Variants in SRFBP1 observed in about 807,000 individuals in gnomAD.
SRFBP1 encodes the protein serum response factor binding protein 1.
In SRFBP1, 47 loss-of-function variants were observed where a neutral mutation model predicts 45.5. That is an observed-to-expected ratio of 1.03 (90% CI 0.82 to 1.32). SRFBP1 has a LOEUF of 1.32. SRFBP1 is among the 40% of genes most tolerant of loss of function. The pLI is 0.00. For missense variants in SRFBP1, 621 were observed against 484.6 expected (o/e 1.28, Z -2.64); for synonymous variants, 203 against 166.3 (o/e 1.22, Z -1.70).
At chr5:122,038,406 G>A (rs1228787276) in intron 2 of SRFBP1, among the ~76,000 whole-genome samples, 1 of 152,214 alleles carries the variant, frequency 6.6e-6, no homozygotes, top group Non-Finnish European at 1.5e-5. Flanking sequence ...TTTTTTAGAA[G>A]GTGGGCCACA....
At position 122,051,472 on chromosome 5, in the gene SRFBP1, T is replaced by C. The variant is rs537252961; in HGVS notation, n.312-23843T>C. Among the ~76,000 whole-genome samples the C allele has an allele frequency of 4.2e-4, 64 of 152,286 alleles. 2 individuals carry two copies. The South Asian group carries it at 0.013, about 31-fold the overall frequency. On this transcript the variant is annotated intron_variant and non_coding_transcript_variant, in intron 2 of 2. Transcript: ENST00000504881. ...CCTATATATTTAGGATAGTTAGGTC[T>C]TCTTGTTGAATTAAACGCTTTATCA...
intron 2 of SRFBP1, chr5:122,070,453 T>A (rs1412678462): frequency 9.0e-7 from 1 of 1,107,538 alleles, no homozygotes; most frequent in Non-Finnish European, 1.4e-6. Flanking sequence ...GGCCTATTGA[T>A]CTGCAATATC....
chr5:121,967,363 G>A (rs1021024828), intron 1 of SRFBP1, among the ~76,000 whole-genome samples: 5 of 152,088 alleles, frequency 3.3e-5, no homozygotes, highest in African/African-American at 1.2e-4. Context: ...TTTGTGTTTA[G>A]TTATTAAACT....
chr5:122,009,649 C>T (rs1473533071), intron 4 of SRFBP1, among the ~76,000 whole-genome samples: 2 of 152,154 alleles, frequency 1.3e-5, no homozygotes, highest in South Asian at 2.1e-4. Context: ...GTTAAAATGA[C>T]TGTCCTGTGT....
At chr5:121,981,477 A>C (rs1017622248) in intron 3 of SRFBP1, among the ~76,000 whole-genome samples, 1 of 151,780 alleles carries the variant, frequency 6.6e-6, no homozygotes, top group Admixed American at 6.6e-5. Flanking sequence ...TCTTCCCTGA[A>C]TGATATACAA....
rs776971179 is a variant in SRFBP1 at position 121,994,640 on chromosome 5, T to C, written c.240T>C (p.Asp80=). 1.9e-6 allele frequency: 3 copies of C among 1,596,946 alleles called. No homozygotes were observed. Among genetic ancestry groups the C allele is most frequent in the Middle Eastern group, 1.7e-4 (1 of 6,030 alleles). ...PDIVTKSALG[D]DINFEKIFKK... ...TAGTAACTAAATCTGCTCTTGGTGA[T>C]GATATCAACTTTGAAAAAATCTTCA... Residue 80 remains aspartate (D), a synonymous_variant, in exon 4 of 8, where the codon GAT becomes GAC. Coordinates refer to ENST00000339397, the MANE Select transcript of SRFBP1 (RefSeq NM_152546.3).
In SRFBP1 at chr5:122,027,269, TC is replaced by T; in HGVS notation, c.*146del. The T allele has an allele frequency of 1.6e-6, 1 of 626,804 alleles. No individual in the cohort carries two copies. The highest frequency in any genetic ancestry group is 2.6e-6 in the Non-Finnish European group (1 of 378,500). 38.8% of individuals were successfully genotyped at this position (626,804 alleles called of 1,614,324 possible). On this transcript the variant is annotated 3_prime_UTR_variant, in exon 8 of 8. Transcript: ENST00000339397. ...TCAAACTCCTGGGCTCAAGTGATCC[TC>T]CCACCTCTGCCTCCCAAAGGGCTGG...
At chr5:122,012,022 C>T (rs908229302) in intron 4 of SRFBP1, among the ~76,000 whole-genome samples, 4 of 152,058 alleles carry the variant, frequency 2.6e-5, no homozygotes, top group Non-Finnish European at 5.9e-5. Context: ...GGAGTTGGGT[C>T]ATGAAATGTG....
At chr5:122,065,770 T>G (rs750751568) in intron 2 of SRFBP1, 14 of 152,074 alleles carry the variant, frequency 9.2e-5, no homozygotes, top group Non-Finnish European at 1.8e-4. Context: ...TTTAAGCTAT[T>G]TGAGAGACAG....
At chr5:122,009,024 A>G (rs1313745624) in intron 4 of SRFBP1, among the ~76,000 whole-genome samples, 2 of 152,180 alleles carry the variant, frequency 1.3e-5, no homozygotes, top group African/African-American at 2.4e-5. Flanking sequence ...TGGTTTTCCA[A>G]AGTAGATGCA....
rs773639015 is a variant in SRFBP1 at position 122,020,615 on chromosome 5, C to T, written c.880C>T (p.Arg294Ter). 6.2e-6 allele frequency: 10 copies of T among 1,613,306 alleles called. No homozygotes were observed. The highest frequency in any genetic ancestry group is 4.5e-5 in the East Asian group (2 of 44,856). Residue 294 changes from arginine (R) to a stop codon, truncating the protein, a stop_gained, in exon 6 of 8, where the codon CGA (arginine) becomes TGA (stop). Transcript: ENST00000339397. LOFTEE classifies it high-confidence loss of function. ...CTTCATTGGGAAAGTCAGACGGACA[C>T]GAAAGAAGGAAAGTAGTTGTCATTC... The part of the protein sequence containing the change: ...DFFIGKVRRT[R>*]KKESSCHSSV...
intron 3 of SRFBP1, among the ~76,000 whole-genome samples, chr5:121,987,781 T>G (rs1204177633): frequency 6.6e-6 from 1 of 152,216 alleles, no homozygotes; most frequent in Non-Finnish European, 1.5e-5. Context: ...ATTAAAAATG[T>G]CAACATGGTT....
chr5:122,016,267 T>C (rs1426644126), intron 4 of SRFBP1, among the ~76,000 whole-genome samples: 2 of 152,198 alleles, frequency 1.3e-5, no homozygotes, highest in African/African-American at 4.8e-5. Context: ...GCCATTCTTA[T>C]TATTTGTATC....
intron 2 of SRFBP1, among the ~76,000 whole-genome samples, chr5:122,047,164 G>A (rs973818536): frequency 6.6e-6 from 1 of 152,120 alleles, no homozygotes; most frequent in African/African-American, 2.4e-5. Context: ...CTCTTCTAGG[G>A]TTTTTATGGT....
At chr5:121,998,734 C>T (rs1752790771) in intron 4 of SRFBP1, among the ~76,000 whole-genome samples, 1 of 150,926 alleles carries the variant, frequency 6.6e-6, no homozygotes, top group Admixed American at 6.6e-5. Flanking sequence ...TTAATCTGTA[C>T]ATTTACTCTT....
intron 3 of SRFBP1, among the ~76,000 whole-genome samples, chr5:121,985,934 A>T (rs1024884206): frequency 2.0e-5 from 3 of 151,938 alleles, no homozygotes; most frequent in Admixed American, 1.3e-4. Context: ...TGTAAAGTAG[A>T]TACTTGGATA....
intron 3 of SRFBP1, among the ~76,000 whole-genome samples, chr5:121,980,499 A>G (rs184379222): frequency 5.7e-4 from 87 of 152,142 alleles, no homozygotes; most frequent in South Asian, 1.7e-3. Flanking sequence ...TATTGTTTCT[A>G]TTTCTCTGCT....
At chr5:122,076,779 C>G, downstream of SRFBP1, 2 of 846,864 alleles carry the variant, frequency 2.4e-6, no homozygotes, top group Non-Finnish European at 3.8e-6. Flanking sequence ...CTTCCCAGCT[C>G]TTGTCCCACT....
At chr5:122,049,958 T>C (rs1753939996) in intron 2 of SRFBP1, among the ~76,000 whole-genome samples, 1 of 151,592 alleles carries the variant, frequency 6.6e-6, no homozygotes, top group Non-Finnish European at 1.5e-5. Context: ...CATGAAGGAG[T>C]GTTGAATTTA....
Sources: gnomAD v4.1 joint callset for allele counts (sites outside exome capture counted in the v4.1 genomes callset) on GRCh38, gnomAD v4.1.1 for gene constraint, MANE v1.5 for transcripts, NCBI Gene and HGNC (gene_info 2026-07-23, HGNC 2026-07-21) for gene names.